Variants in KDM6A observed in about 807,000 individuals in gnomAD.
KDM6A encodes the protein lysine-specific demethylase 6A.
In KDM6A, 11 loss-of-function variants were observed where a neutral mutation model predicts 117.6. The observed-to-expected ratio is 0.09, with a 90% confidence interval of 0.06 to 0.15. KDM6A has a LOEUF of 0.15. KDM6A is among the 10% of genes least tolerant of loss of function. The probability of loss-of-function intolerance (pLI) is 1.00; values close to 1 mark genes in which losing one functional copy is unlikely to be tolerated. For missense variants in KDM6A, 799 were observed against 1,077.3 expected, an observed-to-expected ratio of 0.74 and a Z score of 3.62; for synonymous variants, 384 against 396.1, an observed-to-expected ratio of 0.97 and a Z score of 0.36.
intron 24 of KDM6A, 143 bp from the exon 25 acceptor site, chrX:45,085,722 G>C: frequency 2.1e-6 from 1 of 465,838 alleles, no homozygotes; most frequent in South Asian, 2.9e-5. Flanking sequence ...AGTGTTCTCT[G>C]TTGAGCATTT....
At chrX:45,008,183 C>T (rs1201513905) in intron 4 of KDM6A, among the ~76,000 whole-genome samples, 1 of 110,078 alleles carries the variant, frequency 9.1e-6, no homozygotes, top group Non-Finnish European at 1.9e-5. Flanking sequence ...TACAGTGTGT[C>T]CTGAAATCAG....
intron 2 of KDM6A, among the ~76,000 whole-genome samples, chrX:44,935,236 G>A (rs964972077): frequency 4.5e-5 from 5 of 111,769 alleles, no homozygotes; most frequent in Non-Finnish European, 7.5e-5. Flanking sequence ...AAAGAAATCC[G>A]AAAATTGGTT....
chrX:44,985,151 G>A (rs1343215029), intron 4 of KDM6A, among the ~76,000 whole-genome samples: 1 of 110,391 alleles, frequency 9.1e-6, no homozygotes, highest in African/African-American at 3.3e-5. Flanking sequence ...TGGATTCCTA[G>A]GTATTTTATT....
At chrX:44,891,735 C>T (rs1335875590) in intron 2 of KDM6A, among the ~76,000 whole-genome samples, 1 of 111,983 alleles carries the variant, frequency 8.9e-6, no homozygotes, top group Non-Finnish European at 1.9e-5. Flanking sequence ...CACCCTACTG[C>T]CGTGTCCAGT....
intron 2 of KDM6A, among the ~76,000 whole-genome samples, chrX:44,951,881 TC>T (rs1300685236): frequency 8.9e-6 from 1 of 111,778 alleles, no homozygotes; most frequent in African/African-American, 3.3e-5. Context: ...TATTTAGGCC[TC>T]AGTTTTCCTG....
rs2046768966 is a variant in KDM6A, at chrX:45,111,544, G to C, written c.*133G>C. On this transcript the variant is annotated 3_prime_UTR_variant, in exon 30 of 30. Coordinates refer to ENST00000611820, the MANE Select transcript of KDM6A (RefSeq NM_001291415.2). ...GTGTCTATGCAACCTTCCAAGTGCGGAGTGTCAACCAACTGGACGGGAGAG... is the reference window on the plus strand; with the variant it reads ...GTGTCTATGCAACCTTCCAAGTGCGCAGTGTCAACCAACTGGACGGGAGAG... 1.8e-6 allele frequency: 1 copy of C among 569,256 alleles called. No homozygotes were observed. The highest frequency in any genetic ancestry group is 3.1e-6 in the Non-Finnish European group (1 of 326,840). 46.9% of individuals were successfully genotyped at this position (569,256 alleles called of 1,213,427 possible). A position where few individuals can be genotyped will look rare whatever the true frequency, so the allele number is the denominator to read the frequency against.
intron 4 of KDM6A, among the ~76,000 whole-genome samples, chrX:45,005,122 C>T (rs1367728718): frequency 1.8e-5 from 2 of 110,627 alleles, no homozygotes; most frequent in African/African-American, 6.6e-5. Context: ...TTACATTGTT[C>T]TACCTCACGC....
chrX:44,978,755 C>G (rs1009265068), intron 4 of KDM6A, among the ~76,000 whole-genome samples: 1 of 112,124 alleles, frequency 8.9e-6, no homozygotes, highest in Non-Finnish European at 1.9e-5. Flanking sequence ...CATTTTCCTA[C>G]TCTTGATCTC....
chrX:45,105,499 T>A (rs2046493189), intron 27 of KDM6A, among the ~76,000 whole-genome samples: 1 of 111,825 alleles, frequency 8.9e-6, no homozygotes, highest in African/African-American at 3.3e-5. Context: ...TAAGAGACCT[T>A]ATTTTGAAGC....
chrX:44,950,360 A>G (rs1391953658), intron 2 of KDM6A, among the ~76,000 whole-genome samples: 1 of 111,757 alleles, frequency 8.9e-6, no homozygotes, highest in Non-Finnish European at 1.9e-5. Flanking sequence ...ATCATTCTGA[A>G]GTGAAATTAT....
At chrX:44,888,391 G>A (rs1321304589) in intron 2 of KDM6A, among the ~76,000 whole-genome samples, 1 of 112,322 alleles carries the variant, frequency 8.9e-6, no homozygotes, top group Non-Finnish European at 1.9e-5. Flanking sequence ...CAGTTTTGCC[G>A]TTTCTTAAAA....
intron 18 of KDM6A, among the ~76,000 whole-genome samples, chrX:45,073,340 C>A (rs748028829): frequency 9.0e-6 from 1 of 111,412 alleles, no homozygotes; most frequent in Non-Finnish European, 1.9e-5. Context: ...CATACGTGTG[C>A]GTGTGTCTTT....
chrX:44,909,356 A>G (rs187096572), intron 2 of KDM6A, among the ~76,000 whole-genome samples: 83 of 111,319 alleles, frequency 7.5e-4, no homozygotes, highest in African/African-American at 2.4e-3. Flanking sequence ...TTTGCTGTTG[A>G]TGTCTCCTAT....
At chrX:44,951,101 G>A (rs910446057) in intron 2 of KDM6A, among the ~76,000 whole-genome samples, 1 of 111,446 alleles carries the variant, frequency 9.0e-6, no homozygotes, top group Non-Finnish European at 1.9e-5. Context: ...AAGGGTACAG[G>A]GGCAGGACTT....
intron 4 of KDM6A, among the ~76,000 whole-genome samples, chrX:44,998,617 A>G: frequency 9.1e-6 from 1 of 110,458 alleles, no homozygotes; most frequent in Admixed American, 9.6e-5. Flanking sequence ...TCTTTCCCAG[A>G]TCTGGTAGAC....
At chrX:45,109,141 TA>T (rs1201677736) in intron 28 of KDM6A, among the ~76,000 whole-genome samples, 29 of 84,495 alleles carry the variant, frequency 3.4e-4, no homozygotes, top group African/African-American at 1.4e-3. Context: ...ATAATAATAA[TA>T]AATAAATAAA....
intron 2 of KDM6A, among the ~76,000 whole-genome samples, chrX:44,938,614 C>A (rs142913357): frequency 0.013 from 1,494 of 112,359 alleles, 23 homozygotes; most frequent in South Asian, 0.064. Flanking sequence ...TACCTAAGAT[C>A]ATTCATCAGT....
At chrX:45,080,038 C>A (rs2045330818) in intron 21 of KDM6A, among the ~76,000 whole-genome samples, 2 of 111,507 alleles carry the variant, frequency 1.8e-5, no homozygotes, top group South Asian at 7.5e-4. Context: ...TGTCCTGCAC[C>A]TTGCAGGGTA....
chrX:44,895,324 G>A (rs1267563599), intron 2 of KDM6A, among the ~76,000 whole-genome samples: 2 of 107,464 alleles, frequency 1.9e-5, no homozygotes, highest in South Asian at 4.0e-4. Context: ...CGCGTTAGCC[G>A]GGATGGTCTC....
Sources: allele counts gnomAD v4.1 joint callset (sites outside exome capture counted in the v4.1 genomes callset), GRCh38; gene constraint gnomAD v4.1.1; transcripts MANE v1.5; gene names NCBI Gene and HGNC (gene_info 2026-07-23, HGNC 2026-07-21).